OPCML: variants seen among roughly 807,000 people sequenced by gnomAD.
The protein encoded by OPCML is opioid-binding protein/cell adhesion molecule.
A neutral mutation model predicts 37.8 loss-of-function variants in OPCML; 13 were observed. The ratio of observed to expected loss-of-function variants is 0.34; its 90% CI spans 0.22 to 0.55. OPCML has a LOEUF of 0.55. OPCML is among the 20% of genes least tolerant of loss of function. OPCML has a pLI of 0.91. For missense variants in OPCML, 341 were observed against 435.6 expected (o/e 0.78, Z 1.93); for synonymous variants, 176 against 168.8 (o/e 1.04, Z -0.33).
chr11:133,281,349 G>T (rs1317511866), intron 1 of OPCML, among the ~76,000 whole-genome samples: 3 of 152,052 alleles, frequency 2.0e-5, no homozygotes, highest in Non-Finnish European at 4.4e-5. Flanking sequence ...CTGAGCTGAT[G>T]TGAGATCTGG....
chr11:132,651,366 T>C (rs1439553130), intron 3 of OPCML, among the ~76,000 whole-genome samples: 4 of 152,176 alleles, frequency 2.6e-5, no homozygotes, highest in Admixed American at 2.6e-4. Context: ...ATGTGGGGCT[T>C]TTGGGAAGCA....
intron 3 of OPCML, among the ~76,000 whole-genome samples, chr11:132,532,218 C>T (rs940435553): frequency 6.6e-6 from 1 of 152,164 alleles, no homozygotes; most frequent in African/African-American, 2.4e-5. Context: ...CGAAGACTAA[C>T]CAAGATGTTC....
intron 1 of OPCML, among the ~76,000 whole-genome samples, chr11:133,380,715 G>A (rs953457890): frequency 6.6e-6 from 1 of 152,042 alleles, no homozygotes. Flanking sequence ...ATTACATCCA[G>A]TTCCCAGCCT....
At chr11:133,272,206 G>A (rs1159510398) in intron 1 of OPCML, among the ~76,000 whole-genome samples, 1 of 145,408 alleles carries the variant, frequency 6.9e-6, no homozygotes, top group African/African-American at 2.5e-5. Context: ...GTAATAAATT[G>A]AAAGTTGAAG....
At chr11:133,107,523 C>G (rs1274168703) in intron 1 of OPCML, among the ~76,000 whole-genome samples, 2 of 152,194 alleles carry the variant, frequency 1.3e-5, no homozygotes, top group Non-Finnish European at 2.9e-5. Context: ...TCCAGACAAC[C>G]TGTCAGCCCA....
intron 3 of OPCML, among the ~76,000 whole-genome samples, chr11:132,554,171 C>A (rs1008964472): frequency 1.3e-5 from 2 of 152,224 alleles, no homozygotes; most frequent in Admixed American, 6.5e-5. Context: ...CTCTGACAGA[C>A]AAATTATCAG....
At chr11:133,299,527 A>G (rs540814200) in intron 1 of OPCML, 24 of 152,370 alleles carry the variant, frequency 1.6e-4, no homozygotes, top group Non-Finnish European at 3.1e-4. Context: ...CAAGTGCCCA[A>G]TCACTTATTT....
intron 1 of OPCML, among the ~76,000 whole-genome samples, chr11:133,172,081 C>A (rs1950295730): frequency 1.3e-5 from 2 of 152,170 alleles, no homozygotes. Context: ...GGAAGATTAA[C>A]CCTCCTTTAA....
At chr11:133,417,326 CAAT>C (rs1288695357) in intron 1 of OPCML, among the ~76,000 whole-genome samples, 3 of 152,152 alleles carry the variant, frequency 2.0e-5, no homozygotes, top group Non-Finnish European at 4.4e-5. Context: ...GCTTTACCAA[CAAT>C]GTCTGGTCTT....
intron 4 of OPCML, among the ~76,000 whole-genome samples, chr11:132,519,388 T>C (rs562884404): frequency 6.6e-6 from 1 of 152,174 alleles, no homozygotes; most frequent in Admixed American, 6.6e-5. Context: ...GGCATCCCTC[T>C]GCTAGGATAG....
At chr11:132,667,072 G>A (rs1439168354) in intron 2 of OPCML, among the ~76,000 whole-genome samples, 1 of 152,206 alleles carries the variant, frequency 6.6e-6, no homozygotes, top group Non-Finnish European at 1.5e-5. Context: ...GGCATGAGAT[G>A]TTGATGAAAA....
At chr11:132,957,797 A>C (rs2135636) in intron 1 of OPCML, among the ~76,000 whole-genome samples, 23,346 of 152,194 alleles carry the variant, frequency 0.15, 2,306 homozygotes, top group African/African-American at 0.28. Context: ...AGCACGAGCT[A>C]TGCTCATGTA....
intron 2 of OPCML, among the ~76,000 whole-genome samples, chr11:132,932,148 G>C (rs934610371): frequency 1.3e-5 from 2 of 152,136 alleles, no homozygotes; most frequent in African/African-American, 2.4e-5. Context: ...CCAGAAGCTG[G>C]GGGGAGGGAA....
intron 3 of OPCML, among the ~76,000 whole-genome samples, chr11:132,612,112 AAAG>A (rs1305001570): frequency 6.6e-6 from 1 of 152,212 alleles, no homozygotes; most frequent in Non-Finnish European, 1.5e-5. Context: ...TCCAAAGGTT[AAAG>A]AAGAAATGAT....
At chr11:132,469,960 T>A (rs751649463) in intron 4 of OPCML, among the ~76,000 whole-genome samples, 171 of 150,752 alleles carry the variant, frequency 1.1e-3, no homozygotes, top group Non-Finnish European at 1.8e-3. Context: ...TGTACGTGTA[T>A]GTGTGTTTGT....
At chr11:132,517,659 T>C (rs1565630732) in intron 4 of OPCML, among the ~76,000 whole-genome samples, 2 of 152,222 alleles carry the variant, frequency 1.3e-5, no homozygotes, top group African/African-American at 2.4e-5. Context: ...CATAATTTGA[T>C]ATAGCAATTG....
At chr11:133,258,133 C>A (rs956877918) in intron 1 of OPCML, among the ~76,000 whole-genome samples, 1 of 152,146 alleles carries the variant, frequency 6.6e-6, no homozygotes, top group African/African-American at 2.4e-5. Context: ...CCCTGGGGTC[C>A]CCTTGCCTTA....
chr11:132,641,015 C>T (rs866446463), intron 3 of OPCML, among the ~76,000 whole-genome samples: 5 of 152,120 alleles, frequency 3.3e-5, no homozygotes, highest in Non-Finnish European at 5.9e-5. Context: ...AGGGATTGTT[C>T]CAGTATCCTC....
At chr11:133,082,504 A>C (rs925512989) in intron 1 of OPCML, among the ~76,000 whole-genome samples, 2 of 5,218 alleles carry the variant, frequency 3.8e-4, no homozygotes, top group African/African-American at 7.6e-4. Context: ...TCCCTTCCCC[A>C]CCTGCCACCC....
Sources: allele counts gnomAD v4.1 joint callset (sites outside exome capture counted in the v4.1 genomes callset), GRCh38; gene constraint gnomAD v4.1.1; transcripts MANE v1.5; gene names NCBI Gene and HGNC (gene_info 2026-07-23, HGNC 2026-07-21).